ACCS: variants seen among roughly 807,000 people sequenced by gnomAD.
ACCS encodes the protein 1-aminocyclopropane-1-carboxylate synthase-like protein 1.
ACCS carries 42 observed loss-of-function variants against 59.8 expected under a neutral mutation model. That is an observed-to-expected ratio of 0.70 (90% confidence interval 0.55 to 0.91). The LOEUF (loss-of-function observed/expected upper bound fraction) is 0.91, where lower values mean the gene tolerates loss of function less well. Among genes scored for constraint, ACCS ranks in the 40% least tolerant of loss-of-function variants. The probability of loss-of-function intolerance (pLI) is 0.00; values close to 1 mark genes in which losing one functional copy is unlikely to be tolerated. For missense variants in ACCS, 602 were observed against 630.4 expected, an observed-to-expected ratio of 0.95 and a Z score of 0.48; for synonymous variants, 230 against 240.3, an observed-to-expected ratio of 0.96 and a Z score of 0.40.
In ACCS at chr11:44,081,229, G is replaced by C; in HGVS notation, c.1020G>C (p.Gln340His). 1 of 1,614,268 alleles carries C rather than the reference G, an allele frequency of 6.2e-7. No individual in the cohort carries two copies. ...TTGGCACGCTGTACACAGAAAACCA[G>C]GATGTGGCCACTGCCGTGGCTTCCC... ...LRFGTLYTEN[Q>H]DVATAVASLC... The change falls in exon 12 of 15, where the codon CAG (glutamine) becomes CAC (histidine). Residue 340 changes from glutamine (Q) to histidine (H), a missense_variant. Gln to His is a conservative substitution (Grantham distance 24). Coordinates refer to ENST00000263776, the MANE Select transcript of ACCS (RefSeq NM_032592.4).
At chr11:44,069,641 C>G (rs1057473549) in intron 2 of ACCS, among the ~76,000 whole-genome samples, 1 of 152,222 alleles carries the variant, frequency 6.6e-6, no homozygotes, top group Non-Finnish European at 1.5e-5. Context: ...GTGGGAGGCT[C>G]TACTTCCAAT....
chr11:44,070,907 G>A (rs935844344), intron 2 of ACCS, among the ~76,000 whole-genome samples: 4 of 152,138 alleles, frequency 2.6e-5, no homozygotes, highest in African/African-American at 4.8e-5. Context: ...CCCTCAGTAC[G>A]GGAGATACGG....
intron 10 of ACCS, chr11:44,080,733 G>A: frequency 2.0e-6 from 1 of 497,612 alleles, no homozygotes. Flanking sequence ...GTTAGGGAAA[G>A]TCTCTTTGAT....
rs548480607 is a variant in ACCS at position 44,067,616 on chromosome 11, G to T, written c.1-12G>T. ...TCCCTTGAGCAGGCCTGTGCGTTTT[G>T]TCTTTTTGCAGATGTTCACCCTTCC... On this transcript the variant is annotated splice_polypyrimidine_tract_variant and intron_variant, in intron 1 of 14. Coordinates refer to ENST00000263776, the MANE Select transcript of ACCS (RefSeq NM_032592.4). 2 of 1,593,990 alleles carry T rather than the reference G, an allele frequency of 1.3e-6. No homozygotes were observed. Among genetic ancestry groups the T allele is most frequent in the African/African-American group, 1.3e-5 (1 of 74,374 alleles).
In ACCS at chr11:44,074,775, T is replaced by TC. The variant is rs36162993; in HGVS notation, c.489+94_489+95insC. 7.9e-5 allele frequency: 32 copies of TC among 404,914 alleles called. 2 individuals carry two copies. The highest frequency in any genetic ancestry group is 6.5e-4 in the Middle Eastern group (1 of 1,542). The allele number at this position is 404,914 out of a possible 1,614,324, so 25.1% of individuals were successfully genotyped here. On this transcript the variant is annotated intron_variant, in intron 5 of 14. Coordinates refer to ENST00000263776, the MANE Select transcript of ACCS (RefSeq NM_032592.4). ...TTCTTTCTTTCTTTCTTTCTTTCTT[T>TC]TTCTCTCTCTCTCTCTTTCTCTCCT... is the stretch of plus-strand genomic sequence containing the variant.
chr11:44,075,795 G>A, intron 6 of ACCS: 2 of 575,388 alleles, frequency 3.5e-6, no homozygotes, highest in Non-Finnish European at 3.0e-6. Context: ...CAGGGTCCTG[G>A]GCTTTCTCTC....
At chr11:44,070,729 T>G (rs540974018) in intron 2 of ACCS, among the ~76,000 whole-genome samples, 1 of 152,278 alleles carries the variant, frequency 6.6e-6, no homozygotes, top group Admixed American at 6.5e-5. Flanking sequence ...GTATTTGCAC[T>G]GGCAAAGGAA....
In ACCS at chr11:44,074,734, CTCTTTCTTTCTTTCTTTCTT is replaced by C. The variant is rs202091203; in HGVS notation, c.489+75_489+94del. ...CTGTTCTCCTGCCTCCCCTCTCCAT[CTCTTTCTTTCTTTCTTTCTT>C]TCTTTCTTTCTTTCTTTCTTTTTCT... On this transcript the variant is annotated intron_variant, in intron 5 of 14. Transcript: ENST00000263776. The C allele has an allele frequency of 3.8e-5, 21 of 548,372 alleles. No homozygotes were observed. In the African/African-American group the frequency reaches 4.1e-4, roughly 11 times the overall value. 34.0% of individuals were successfully genotyped at this position (548,372 alleles called of 1,614,324 possible).
rs758290087 is a variant in ACCS at position 44,083,486 on chromosome 11, G to C, written c.1317G>C (p.Lys439Asn). 20 of 1,614,260 alleles carry C rather than the reference G, an allele frequency of 1.2e-5. No individual in the cohort carries two copies. The highest frequency in any genetic ancestry group is 1.6e-5 in the Non-Finnish European group (19 of 1,180,048). ...MLLWRRFLDN[K>N]VLLSFGKAFE... ...TCTGGCGCCGCTTTTTGGACAACAA[G>C]GTGCTGCTGTCCTTTGGCAAGGCCT... Residue 439 changes from lysine to asparagine, a missense_variant, in exon 14 of 15, where the codon AAG becomes AAC. Lys to Asn is a moderately conservative substitution (Grantham distance 94). Coordinates refer to ENST00000263776, the MANE Select transcript of ACCS (RefSeq NM_032592.4).
intron 2 of ACCS, among the ~76,000 whole-genome samples, chr11:44,069,871 T>G (rs1952968103): frequency 6.6e-6 from 1 of 152,208 alleles, no homozygotes. Context: ...AGAAGCACGT[T>G]GCTAGGCCCA....
Position 44,078,744 on chromosome 11 carries a change from T to A in ACCS, c.793T>A (p.Ser265Thr). 6.2e-7 allele frequency: 1 copy of A among 1,613,992 alleles called. No homozygotes were observed. The highest frequency in any genetic ancestry group is 8.5e-7 in the Non-Finnish European group (1 of 1,179,994). ...SPQNPLGDVY[S>T]PEELQEYLVF... Reference sequence around the variant, plus strand: ...CCAGAACCCTCTGGGTGATGTATACTCCCCTGAAGAGCTACAGGAGTACCT... The same window carrying A: ...CCAGAACCCTCTGGGTGATGTATACACCCCTGAAGAGCTACAGGAGTACCT... The change falls in exon 9 of 15, where the codon TCC becomes ACC. Residue 265 changes from serine (S) to threonine (T), a missense_variant. By Grantham distance (58) the Ser-to-Thr change is moderately conservative (BLOSUM62 1). Transcript: ENST00000263776.
chr11:44,084,059 G>T lies in ACCS; in HGVS notation c.*267G>T. 1 of 557,034 alleles carries T rather than the reference G, an allele frequency of 1.8e-6. No individual in the cohort carries two copies. The highest frequency in any genetic ancestry group is 3.7e-5 in the Admixed American group (1 of 26,984). The allele number at this position is 557,034 out of a possible 1,614,324, so 34.5% of individuals were successfully genotyped here. Reference sequence around the variant, plus strand: ...GTGAGTTATTTAGAATGGAGGAGTCGTGACTGCTTCTAACCAGAGCCTCAG... The same window carrying T: ...GTGAGTTATTTAGAATGGAGGAGTCTTGACTGCTTCTAACCAGAGCCTCAG... On this transcript the variant is annotated 3_prime_UTR_variant, in exon 15 of 15. Coordinates refer to ENST00000263776, the MANE Select transcript of ACCS (RefSeq NM_032592.4).
intron 1 of ACCS, 58 bp from the exon 2 acceptor site, chr11:44,067,570 T>G: frequency 6.6e-7 from 1 of 1,521,574 alleles, no homozygotes; most frequent in Middle Eastern, 1.8e-4. Context: ...AACTCCTTTC[T>G]GATGCTTGGT....
intron 9 of ACCS, 54 bp downstream of exon 9, chr11:44,078,838 A>T (rs1013037679): frequency 1.3e-6 from 2 of 1,519,534 alleles, no homozygotes; most frequent in Admixed American, 3.5e-5. Context: ...TGGGGTTCCA[A>T]TGCGGGTTTG....
chr11:44,077,798 C>T (rs753058356), intron 7 of ACCS, 47 bp from the exon 8 acceptor site: 1 of 1,601,708 alleles, frequency 6.2e-7, no homozygotes, highest in East Asian at 2.2e-5. Flanking sequence ...TTTTGGGGGG[C>T]AATGGTCACT....
intron 12 of ACCS, among the ~76,000 whole-genome samples, chr11:44,082,511 T>C (rs1953685183): frequency 6.6e-6 from 1 of 152,154 alleles, no homozygotes; most frequent in Admixed American, 6.5e-5. Context: ...GCAGCTAGCC[T>C]CAAAAGATTA....
At position 44,077,917 on chromosome 11, in the gene ACCS, T is replaced by A. The variant is rs1215716790; in HGVS notation, c.727T>A (p.Ser243Thr). The part of the protein sequence containing the change: ...KLEMALREAH[S>T]EGVKVKGLIL... ...GGAGATGGCCCTGAGAGAAGCTCAC[T>A]CTGAGGTCTGGGGATCAAATCAAAC... The change falls in exon 8 of 15, where the codon TCT becomes ACT. Residue 243 changes from serine (S) to threonine (T), a missense_variant. Physicochemically the swap from Ser to Thr is moderately conservative, Grantham distance 58. Coordinates refer to ENST00000263776, the MANE Select transcript of ACCS (RefSeq NM_032592.4). 2 of 1,613,694 alleles carry A rather than the reference T, an allele frequency of 1.2e-6. No homozygotes were observed. The highest frequency in any genetic ancestry group is 1.7e-6 in the Non-Finnish European group (2 of 1,179,876).
chr11:44,081,680 CAG>C (rs1048073048), intron 12 of ACCS, among the ~76,000 whole-genome samples: 3 of 152,298 alleles, frequency 2.0e-5, no homozygotes, highest in Admixed American at 6.5e-5. Flanking sequence ...ACCTAAAAAA[CAG>C]AGCAGGGTCG....
chr11:44,075,886 G>A (rs1294399613), intron 6 of ACCS: 2 of 341,488 alleles, frequency 5.9e-6, no homozygotes, highest in Admixed American at 4.3e-5. Context: ...CAGGAAGAAA[G>A]GGATGTGGTC....
Sources: gnomAD v4.1 joint callset for allele counts (sites outside exome capture counted in the v4.1 genomes callset) on GRCh38, gnomAD v4.1.1 for gene constraint, MANE v1.5 for transcripts, NCBI Gene and HGNC (gene_info 2026-07-23, HGNC 2026-07-21) for gene names.